The following SPPL2B variants were observed in gnomAD, a reference collection of about 807,000 sequenced individuals.
SPPL2B encodes the protein signal peptide peptidase-like 2B.
In SPPL2B, 39 loss-of-function variants were observed where a neutral mutation model predicts 59.7. The ratio of observed to expected loss-of-function variants is 0.65; its 90% CI spans 0.51 to 0.85. The LOEUF (loss-of-function observed/expected upper bound fraction) is 0.85, where lower values mean the gene tolerates loss of function less well. Ranked by LOEUF, SPPL2B falls within the 40% of genes least tolerant of loss-of-function variation. The probability of loss-of-function intolerance (pLI) is 0.00; values close to 1 mark genes in which losing one functional copy is unlikely to be tolerated. For synonymous variants in SPPL2B, 419 were observed against 370.8 expected, an observed-to-expected ratio of 1.13 and a Z score of -1.49; for missense variants, 865 against 849.0, an observed-to-expected ratio of 1.02 and a Z score of -0.23.
chr19:2,343,102 T>C (rs891821729), intron 8 of SPPL2B, 109 bp from the exon 9 acceptor site: 2 of 827,676 alleles, frequency 2.4e-6, no homozygotes, highest in Admixed American at 2.0e-5. Context: ...GGAAGGGCAG[T>C]GGGGCTGCGT....
At chr19:2,340,731 C>T (rs1968979328) in intron 7 of SPPL2B, among the ~76,000 whole-genome samples, 167 bp from the exon 8 acceptor site, 2 of 152,182 alleles carry the variant, frequency 1.3e-5, no homozygotes, top group Admixed American at 6.5e-5. Context: ...CTGCCCTGCC[C>T]TTGGGGTGCC....
Position 2,332,001 on chromosome 19 carries a change from G to A in SPPL2B, c.67-2601G>A, listed in dbSNP as rs1030951720. 9.2e-5 allele frequency among the ~76,000 whole-genome samples: 14 copies of A among 152,238 alleles called. No individual in the cohort carries two copies. The highest frequency in any genetic ancestry group is 3.1e-4 in the African/African-American group (13 of 41,456). ...GTTCTGGGGGGCTGTGTTGGAAGGG[G>A]CACCCTCCGGGCTCGGCACCGGGGC... On this transcript the variant is annotated intron_variant, in intron 1 of 14. Transcript: ENST00000613503. The surrounding 1 kb of genome is among the most constrained non-coding windows in gnomAD (Gnocchi z 4.6).
chr19:2,337,728 TA>T, intron 3 of SPPL2B, 103 bp downstream of exon 3: 2 of 1,168,846 alleles, frequency 1.7e-6, no homozygotes, highest in Non-Finnish European at 2.3e-6. Flanking sequence ...GACTTCTCGC[TA>T]AAGGCAGATC....
chr19:2,350,537 T>A (rs971184342), intron 13 of SPPL2B, among the ~76,000 whole-genome samples: 1 of 152,232 alleles, frequency 6.6e-6, no homozygotes, highest in Non-Finnish European at 1.5e-5. Context: ...CGCTCCCCCG[T>A]GTACTGCAGT....
Position 2,352,433 on chromosome 19 carries a change from C to T in SPPL2B, c.1516-513C>T, listed in dbSNP as rs376582734. ...GCTGGCCGCGCATGGGGTCCTACGT[C>T]ATGTTTTTGTGGAGGTTAAACCACA... is the stretch of plus-strand genomic sequence containing the variant. On this transcript the variant is annotated intron_variant, in intron 14 of 14. Coordinates refer to ENST00000613503, the MANE Select transcript of SPPL2B (RefSeq NM_152988.3). Among the ~76,000 whole-genome samples the T allele has an allele frequency of 1.1e-4, 17 of 152,148 alleles. No homozygotes were observed. In the East Asian group the frequency reaches 2.9e-3, roughly 26 times the overall value.
chr19:2,333,672 G>A (rs1968409226), intron 1 of SPPL2B, among the ~76,000 whole-genome samples: 1 of 152,214 alleles, frequency 6.6e-6, no homozygotes, highest in Non-Finnish European at 1.5e-5. Context: ...GGGCGCGGTG[G>A]CCACCACCCC....
intron 13 of SPPL2B, among the ~76,000 whole-genome samples, chr19:2,349,067 G>A (rs866859744): frequency 3.7e-5 from 4 of 107,328 alleles, no homozygotes; most frequent in African/African-American, 7.7e-5. Context: ...GCTTGATTCC[G>A]TTCTCTCCCT....
intron 14 of SPPL2B, 122 bp downstream of exon 14, chr19:2,351,716 G>A (rs1010782054): frequency 7.4e-7 from 1 of 1,346,520 alleles, no homozygotes; most frequent in Admixed American, 2.3e-5. Context: ...TCAGGGTCCT[G>A]GTACCTTCTG....
Position 2,350,343 on chromosome 19 carries a change from T to G in SPPL2B, c.1355-1091T>G, listed in dbSNP as rs12977820. On this transcript the variant is annotated intron_variant, in intron 13 of 14. Transcript: ENST00000613503. ...TTCTCTCTCCACACACACACTCACG[T>G]GCTCTCATTCGCTTGATTCCGTTCT... Among the ~76,000 whole-genome samples, 4 of 98,762 alleles carry G rather than the reference T, an allele frequency of 4.1e-5. No homozygotes were observed. In the East Asian group the frequency reaches 1.4e-3, roughly 35 times the overall value. 64.8% of individuals were successfully genotyped at this position (98,762 alleles called of 152,430 possible).
chr19:2,337,903 G>A, intron 3 of SPPL2B: 1 of 398,852 alleles, frequency 2.5e-6, no homozygotes, highest in Non-Finnish European at 4.5e-6. Flanking sequence ...CAGCCCCCAG[G>A]GGTGACGGAG....
chr19:2,344,620 C>T lies in SPPL2B; in HGVS notation c.1244C>T (p.Ser415Phe), dbSNP rs764985806. The T allele has an allele frequency of 6.2e-7, 1 of 1,612,934 alleles. No homozygotes were observed. Among genetic ancestry groups the T allele is most frequent in the Non-Finnish European group, 8.5e-7 (1 of 1,179,438 alleles). ...SPLALCDRPF[S>F]LLGFGDILVP... ...CTGGCCCTGTGTGACCGGCCCTTCT[C>T]CCTCCTGGGTTTCGGAGACATTTTG... Residue 415 changes from serine (S) to phenylalanine (F), a missense_variant, in exon 12 of 15, where the codon TCC becomes TTC. Coordinates refer to ENST00000613503, the MANE Select transcript of SPPL2B (RefSeq NM_152988.3).
At chr19:2,334,272 C>T (rs778940721) in intron 1 of SPPL2B, among the ~76,000 whole-genome samples, 7 of 152,230 alleles carry the variant, frequency 4.6e-5, no homozygotes, top group African/African-American at 1.7e-4. Flanking sequence ...ATTCTCCCAC[C>T]GTGCCCACTG....
chr19:2,350,906 C>T (rs1350638908), intron 13 of SPPL2B, among the ~76,000 whole-genome samples: 1 of 152,226 alleles, frequency 6.6e-6, no homozygotes, highest in East Asian at 1.9e-4. Context: ...TCACAGGCTG[C>T]GTTCTCAGGG....
At chr19:2,350,705 C>T (rs117370795) in intron 13 of SPPL2B, among the ~76,000 whole-genome samples, 73 of 152,370 alleles carry the variant, frequency 4.8e-4, no homozygotes, top group African/African-American at 7.0e-4. Flanking sequence ...CCATTGCCTG[C>T]GGCGACATCA....
chr19:2,348,111 C>T (rs1325835106), intron 13 of SPPL2B, among the ~76,000 whole-genome samples: 15 of 108,768 alleles, frequency 1.4e-4, no homozygotes. Flanking sequence ...CGCTTGATTC[C>T]GTTCTCTCTC....
intron 13 of SPPL2B, among the ~76,000 whole-genome samples, chr19:2,349,212 T>C (rs1482375403): frequency 1.7e-4 from 3 of 17,398 alleles, no homozygotes; most frequent in Non-Finnish European, 2.1e-4. Flanking sequence ...CCGTTCTCTC[T>C]CTCCACACAC....
intron 2 of SPPL2B, 172 bp from the exon 3 acceptor site, chr19:2,337,271 G>A (rs1968705076): frequency 5.3e-6 from 3 of 570,086 alleles, no homozygotes; most frequent in Non-Finnish European, 8.9e-6. Context: ...CCCAGGGTCC[G>A]GCTGTGGGAG....
chr19:2,350,528 G>T (rs149310886), intron 13 of SPPL2B, among the ~76,000 whole-genome samples: 295 of 152,106 alleles, frequency 1.9e-3, no homozygotes, highest in Admixed American at 5.8e-3. Context: ...ACACACTCAC[G>T]CTCCCCCGTG....
intron 13 of SPPL2B, among the ~76,000 whole-genome samples, chr19:2,350,295 GCGC>G (rs1969842347): frequency 7.8e-6 from 1 of 127,696 alleles, no homozygotes; most frequent in African/African-American, 3.1e-5. Flanking sequence ...ACACACTCAC[GCGC>G]TGTCATTCGC....
Sources: gnomAD v4.1 joint callset for allele counts (sites outside exome capture counted in the v4.1 genomes callset) on GRCh38, gnomAD v4.1.1 for gene constraint, Gnocchi (gnomAD v3.1) non-coding constraint, MANE v1.5 for transcripts, NCBI Gene and HGNC (gene_info 2026-07-23, HGNC 2026-07-21) for gene names.